The following PRKCB variants were observed in gnomAD, a reference collection of about 807,000 sequenced individuals.
PRKCB encodes the protein protein kinase C beta type.
In PRKCB, 13 loss-of-function variants were observed where a neutral mutation model predicts 81.5. The observed-to-expected ratio is 0.16, with a 90% CI of 0.10 to 0.25. The LOEUF (loss-of-function observed/expected upper bound fraction) is 0.25. Ranked by LOEUF, PRKCB falls within the 10% of genes least tolerant of loss-of-function variation. The pLI, the probability that PRKCB is intolerant of heterozygous loss-of-function variation, is 1.00. For missense variants in PRKCB, 509 were observed against 875.7 expected (o/e 0.58, Z 5.29); for synonymous variants, 335 against 321.4 (o/e 1.04, Z -0.45).
At chr16:24,121,111 T>C (rs1449353881) in intron 8 of PRKCB, among the ~76,000 whole-genome samples, 1 of 152,232 alleles carries the variant, frequency 6.6e-6, no homozygotes, top group Non-Finnish European at 1.5e-5. Flanking sequence ...GTGCCATATC[T>C]GCCTTGCATT....
In PRKCB at chr16:24,075,097, G is replaced by A. The variant is rs116588063; in HGVS notation, c.530-17694G>A. On this transcript the variant is annotated intron_variant, in intron 5 of 16. Coordinates refer to ENST00000643927, the MANE Select transcript of PRKCB (RefSeq NM_002738.7). ...TTGCACCACGCACTCTAGCCTGGGT[G>A]ACAGAACAAGACCCTATCTCAAAAA... 8.4e-3 allele frequency among the ~76,000 whole-genome samples: 1,181 copies of A among 141,282 alleles called. 21 individuals are homozygous for A. Among genetic ancestry groups the A allele is most frequent in the African/African-American group, 0.03 (1,106 of 36,816 alleles). 92.7% of individuals were successfully genotyped at this position (141,282 alleles called of 152,430 possible).
At chr16:24,065,785 GA>G (rs1428630068) in intron 5 of PRKCB, among the ~76,000 whole-genome samples, 2 of 152,188 alleles carry the variant, frequency 1.3e-5, no homozygotes, top group African/African-American at 4.8e-5. Context: ...GAGACAGGAG[GA>G]TTGCTTGAGC....
chr16:23,925,214 A>G (rs1210192029), intron 2 of PRKCB, among the ~76,000 whole-genome samples: 5 of 152,142 alleles, frequency 3.3e-5, no homozygotes, highest in African/African-American at 1.2e-4. Flanking sequence ...GAAAGCATTG[A>G]CATTGTCACT....
intron 2 of PRKCB, among the ~76,000 whole-genome samples, chr16:23,856,300 C>T (rs980988128): frequency 1.3e-5 from 2 of 152,172 alleles, no homozygotes; most frequent in African/African-American, 2.4e-5. Flanking sequence ...ATTTCAAGCC[C>T]AGACTGCATG....
At chr16:24,116,971 T>G (rs1419111815) in intron 8 of PRKCB, among the ~76,000 whole-genome samples, 1 of 152,042 alleles carries the variant, frequency 6.6e-6, no homozygotes, top group Non-Finnish European at 1.5e-5. Flanking sequence ...AATAGGAGAC[T>G]GTTTTATCCG....
intron 3 of PRKCB, among the ~76,000 whole-genome samples, chr16:23,996,339 G>A (rs762002518): frequency 3.3e-5 from 5 of 152,204 alleles, no homozygotes; most frequent in Non-Finnish European, 7.3e-5. Flanking sequence ...CAAAGTGGCC[G>A]TGGTGGCAGG....
intron 2 of PRKCB, among the ~76,000 whole-genome samples, chr16:23,871,216 T>C (rs566536312): frequency 1.3e-5 from 2 of 152,286 alleles, no homozygotes; most frequent in Non-Finnish European, 2.9e-5. Flanking sequence ...GGTGTGGCTC[T>C]AGGGAGGAAT....
rs563672065 is a variant in PRKCB, at chr16:23,840,620, G to A, written c.205+3214G>A. ...GGATGTTTCCATTTCAAAAATACAAGCAGAGAGAGGATGTTGTCTCTGCCA... is the reference window on the plus strand; with the variant it reads ...GGATGTTTCCATTTCAAAAATACAAACAGAGAGAGGATGTTGTCTCTGCCA... On this transcript the variant is annotated intron_variant, in intron 2 of 16. Coordinates refer to ENST00000643927, the MANE Select transcript of PRKCB (RefSeq NM_002738.7). Among the ~76,000 whole-genome samples, 8 of 152,220 alleles carry A rather than the reference G, an allele frequency of 5.3e-5. No individual in the cohort carries two copies. In the East Asian group the frequency reaches 1.5e-3, roughly 29 times the overall value.
At chr16:24,020,447 G>A (rs955049524) in intron 3 of PRKCB, among the ~76,000 whole-genome samples, 13 of 152,190 alleles carry the variant, frequency 8.5e-5, no homozygotes, top group African/African-American at 1.7e-4. Flanking sequence ...GCAGGCATGC[G>A]AAGTTATGAC....
At chr16:23,850,022 T>C (rs1202212922) in intron 2 of PRKCB, among the ~76,000 whole-genome samples, 1 of 152,230 alleles carries the variant, frequency 6.6e-6, no homozygotes, top group Non-Finnish European at 1.5e-5. Context: ...TCTACTTCTA[T>C]GACTACGACT....
chr16:23,860,353 G>C (rs7404793), intron 2 of PRKCB, among the ~76,000 whole-genome samples: 1 of 151,992 alleles, frequency 6.6e-6, no homozygotes, highest in Non-Finnish European at 1.5e-5. Flanking sequence ...GAAAGCTTGG[G>C]GGAGAAGATA....
intron 16 of PRKCB, among the ~76,000 whole-genome samples, chr16:24,198,125 T>C (rs1967905817): frequency 6.6e-6 from 1 of 152,230 alleles, no homozygotes; most frequent in South Asian, 2.1e-4. Context: ...TGCTGACTTG[T>C]AGCAAAAGGT....
intron 2 of PRKCB, among the ~76,000 whole-genome samples, chr16:23,882,033 C>CCTTCCTTCCTTCCTTCCTTT (rs1963129641): frequency 2.9e-5 from 1 of 35,002 alleles, no homozygotes; most frequent in Non-Finnish European, 7.2e-5. Flanking sequence ...TTCCTTCCTT[C>CCTTCCTTCCTTCCTTCCTTT]CTTCCTTCCT....
At chr16:24,019,592 T>C (rs1965331981) in intron 3 of PRKCB, among the ~76,000 whole-genome samples, 1 of 152,130 alleles carries the variant, frequency 6.6e-6, no homozygotes, top group African/African-American at 2.4e-5. Context: ...GGCGAAACCC[T>C]GTCTCTGCAA....
At chr16:24,061,427 T>G (rs1034357400) in intron 5 of PRKCB, among the ~76,000 whole-genome samples, 1 of 152,036 alleles carries the variant, frequency 6.6e-6, no homozygotes, top group African/African-American at 2.4e-5. Context: ...ATATATACAG[T>G]TTTTCAGAGT....
chr16:24,117,140 T>C (rs1487017392), intron 8 of PRKCB, among the ~76,000 whole-genome samples: 4 of 148,758 alleles, frequency 2.7e-5, no homozygotes, highest in Non-Finnish European at 4.4e-5. Context: ...CAGTTGACCT[T>C]GAACATGAGA....
intron 5 of PRKCB, among the ~76,000 whole-genome samples, chr16:24,050,174 T>C (rs1965823307): frequency 6.6e-6 from 1 of 152,184 alleles, no homozygotes; most frequent in Non-Finnish European, 1.5e-5. Flanking sequence ...TGTCCCAGAA[T>C]CTTTTAATTC....
chr16:24,214,986 T>C lies in PRKCB; in HGVS notation c.*170T>C. The C allele has an allele frequency of 1.5e-5, 22 of 1,441,374 alleles. No individual in the cohort carries two copies. The highest frequency in any genetic ancestry group is 2.0e-5 in the Non-Finnish European group (22 of 1,101,904). 89.3% of individuals were successfully genotyped at this position (1,441,374 alleles called of 1,614,324 possible). On this transcript the variant is annotated 3_prime_UTR_variant, in exon 17 of 17. Transcript: ENST00000643927. ...GTCCTCAGGTAGTTTGGAGCATCTCTATGAGATGGGATTATGCAGATGGCC... is the reference window on the plus strand; with the variant it reads ...GTCCTCAGGTAGTTTGGAGCATCTCCATGAGATGGGATTATGCAGATGGCC...
intron 5 of PRKCB, among the ~76,000 whole-genome samples, chr16:24,078,168 T>C (rs1447400349): frequency 6.6e-6 from 1 of 152,214 alleles, no homozygotes; most frequent in Admixed American, 6.5e-5. Flanking sequence ...TGTTAGTATT[T>C]ATGTCACATC....
Sources: gnomAD v4.1 joint callset for allele counts (sites outside exome capture counted in the v4.1 genomes callset) on GRCh38, gnomAD v4.1.1 for gene constraint, MANE v1.5 for transcripts, NCBI Gene and HGNC (gene_info 2026-07-23, HGNC 2026-07-21) for gene names.